The following RAB3GAP2 variants were observed in gnomAD, a reference collection of about 807,000 sequenced individuals.
RAB3GAP2 encodes RAB3 GTPase activating non-catalytic protein subunit 2.
Under a neutral mutation model 185.3 loss-of-function variants are expected in RAB3GAP2, and 87 were observed. That is an observed-to-expected ratio of 0.47 (90% CI 0.39 to 0.56). RAB3GAP2 has a LOEUF of 0.56. Ranked by LOEUF, RAB3GAP2 falls within the 20% of genes least tolerant of loss-of-function variation. The pLI is 0.00. For synonymous variants in RAB3GAP2, 554 were observed against 576.1 expected (o/e 0.96, Z 0.55); for missense variants, 1,492 against 1,638.2 (o/e 0.91, Z 1.54).
intron 1 of RAB3GAP2, among the ~76,000 whole-genome samples, chr1:220,270,902 A>G (rs1309235202): frequency 1.3e-5 from 2 of 152,284 alleles, no homozygotes; most frequent in Middle Eastern, 3.4e-3. Context: ...CTACTGCCTC[A>G]TTGCCCCAAC....
rs1436083764 is a variant in RAB3GAP2 at position 220,172,124 on chromosome 1, A to G, written c.2417-75T>C. On this transcript the variant is annotated intron_variant, in intron 22 of 34. Transcript: ENST00000358951. Reference sequence around the variant, plus strand: ...TTTGGACTAACCATTTATGTTAAACATAATGTTAAAACTAAGTTACCTACT... The same window carrying G: ...TTTGGACTAACCATTTATGTTAAACGTAATGTTAAAACTAAGTTACCTACT... 8 of 1,468,496 alleles carry G rather than the reference A, an allele frequency of 5.4e-6. No individual in the cohort carries two copies. The East Asian group carries it at 1.9e-4, about 34-fold the overall frequency. The allele number at this position is 1,468,496 out of a possible 1,614,324, so 91.0% of individuals were successfully genotyped here. A position where few individuals can be genotyped will look rare whatever the true frequency, so the allele number is the denominator to read the frequency against.
chr1:220,152,333 T>C (rs1338168395), intron 33 of RAB3GAP2, among the ~76,000 whole-genome samples: 1 of 152,226 alleles, frequency 6.6e-6, no homozygotes, highest in Non-Finnish European at 1.5e-5. Flanking sequence ...CACCTTGGCC[T>C]CCCAAAGTGC....
At chr1:220,246,232 T>C (rs1394432624) in intron 1 of RAB3GAP2, among the ~76,000 whole-genome samples, 3 of 152,244 alleles carry the variant, frequency 2.0e-5, no homozygotes, top group East Asian at 3.9e-4. Context: ...TGAGATACCA[T>C]TGCAGTTAGA....
intron 8 of RAB3GAP2, among the ~76,000 whole-genome samples, chr1:220,203,412 C>T (rs375865188): frequency 3.0e-4 from 45 of 152,130 alleles, no homozygotes; most frequent in East Asian, 1.3e-3. Context: ...ATTGACAGTA[C>T]GGCCAAGAAA....
chr1:220,242,122 C>A (rs936825677), intron 1 of RAB3GAP2, among the ~76,000 whole-genome samples: 1 of 151,998 alleles, frequency 6.6e-6, no homozygotes, highest in African/African-American at 2.4e-5. Flanking sequence ...TGTTTTTCTT[C>A]AAAGTACACA....
At chr1:220,170,770 G>T in intron 24 of RAB3GAP2, 122 bp downstream of exon 24, 1 of 850,452 alleles carries the variant, frequency 1.2e-6, no homozygotes, top group Non-Finnish European at 1.9e-6. Context: ...TATATAGAAG[G>T]TTATTGTTAT....
rs541652687 is a variant in RAB3GAP2 at position 220,211,028 on chromosome 1, C to T, written c.387-26G>A. On this transcript the variant is annotated intron_variant, in intron 4 of 34. Transcript: ENST00000358951. ...CTAAAAACAAAAACAAAATCATATG[C>T]TTACCCACTGAACTTACCAATTACT... 459 of 1,605,478 alleles carry T rather than the reference C, an allele frequency of 2.9e-4. 6 individuals are homozygous for T. In the South Asian group the frequency reaches 4.7e-3, roughly 17 times the overall value.
chr1:220,244,907 G>A (rs1296698942), intron 1 of RAB3GAP2, among the ~76,000 whole-genome samples: 1 of 152,084 alleles, frequency 6.6e-6, no homozygotes, highest in Non-Finnish European at 1.5e-5. Flanking sequence ...TCTGGATATT[G>A]GCTTAGGCAA....
intron 9 of RAB3GAP2, among the ~76,000 whole-genome samples, chr1:220,199,699 CCTT>C (rs1275400017): frequency 1.3e-5 from 2 of 152,130 alleles, no homozygotes; most frequent in Admixed American, 6.6e-5. Flanking sequence ...CTCTCCTCCT[CCTT>C]ATTCTCATTT....
At chr1:220,257,576 G>C (rs2102528915) in intron 1 of RAB3GAP2, among the ~76,000 whole-genome samples, 1 of 152,216 alleles carries the variant, frequency 6.6e-6, no homozygotes, top group Non-Finnish European at 1.5e-5. Context: ...AGCTAAAACA[G>C]TGTTAAGAGG....
intron 1 of RAB3GAP2, among the ~76,000 whole-genome samples, chr1:220,252,152 G>GAAAAA (rs58516168): frequency 1.0e-5 from 1 of 95,994 alleles, no homozygotes; most frequent in African/African-American, 3.8e-5. Context: ...CTCAAAAAAA[G>GAAAAA]AAAAAAAAAA....
At chr1:220,260,905 A>G (rs1206008030) in intron 1 of RAB3GAP2, among the ~76,000 whole-genome samples, 1 of 152,180 alleles carries the variant, frequency 6.6e-6, no homozygotes, top group African/African-American at 2.4e-5. Flanking sequence ...TGACTGAGGA[A>G]CTGAATTTTT....
In RAB3GAP2 at chr1:220,191,284, C is replaced by A; in HGVS notation, c.1271G>T (p.Gly424Val). ...ARGIAIRMWK[G>V]YRDAQIGWIQ... ...CCATCCAATTTGTGCGTCGCGGTACCCTTAGAGACAGAGGTAAAGGGAAGT... is the reference window on the plus strand; with the variant it reads ...CCATCCAATTTGTGCGTCGCGGTACACTTAGAGACAGAGGTAAAGGGAAGT... The change falls in exon 14 of 35, where the codon GGG (glycine) becomes GTG (valine). Residue 424 changes from glycine to valine, a missense_variant and splice_region_variant. Physicochemically the swap from Gly to Val is moderately radical, Grantham distance 109. Around this residue, in one of 5 missense-constraint regions of RAB3GAP2, gnomAD observed 681 missense variants for 689.1 expected, o/e 0.99. Coordinates refer to ENST00000358951, the MANE Select transcript of RAB3GAP2 (RefSeq NM_012414.4). The A allele has an allele frequency of 6.3e-7, 1 of 1,583,424 alleles. No individual in the cohort carries two copies. The highest frequency in any genetic ancestry group is 8.6e-7 in the Non-Finnish European group (1 of 1,168,114).
intron 27 of RAB3GAP2, among the ~76,000 whole-genome samples, chr1:220,163,744 C>CATATATATAT (rs373160821): frequency 9.8e-4 from 120 of 122,970 alleles, no homozygotes; most frequent in East Asian, 3.6e-3. Flanking sequence ...TAAATACATA[C>CATATATATAT]ATATATATAT....
chr1:220,208,506 A>G (rs1354303763), intron 7 of RAB3GAP2, among the ~76,000 whole-genome samples: 1 of 152,176 alleles, frequency 6.6e-6, no homozygotes, highest in Non-Finnish European at 1.5e-5. Flanking sequence ...TCATTACATG[A>G]TATCAGTAAC....
chr1:220,154,557 C>CT (rs1262032952), intron 31 of RAB3GAP2: 1 of 157,094 alleles, frequency 6.4e-6, no homozygotes, highest in African/African-American at 2.4e-5. Context: ...AGCACCTTAA[C>CT]TACAGCCTCA....
At chr1:220,179,050 C>G (rs1033559047) in intron 21 of RAB3GAP2, among the ~76,000 whole-genome samples, 2 of 151,704 alleles carry the variant, frequency 1.3e-5, no homozygotes, top group African/African-American at 4.8e-5. Context: ...AAAAGATATT[C>G]CATAAAAATG....
chr1:220,178,662 C>A, intron 21 of RAB3GAP2, among the ~76,000 whole-genome samples: 1 of 151,172 alleles, frequency 6.6e-6, no homozygotes, highest in African/African-American at 2.4e-5. Context: ...ACACAAAAAT[C>A]AAAAGTAGCG....
At chr1:220,172,812 A>C (rs1658204457) in intron 21 of RAB3GAP2, 70 bp from the exon 22 acceptor site, 1 of 1,018,842 alleles carries the variant, frequency 9.8e-7, no homozygotes, top group Non-Finnish European at 1.5e-6. Flanking sequence ...ACACTTTCCT[A>C]GACAGCAGAT....
Sources: allele counts gnomAD v4.1 joint callset (sites outside exome capture counted in the v4.1 genomes callset), GRCh38; gene constraint gnomAD v4.1.1; regional missense constraint gnomAD v4.1.1; transcripts MANE v1.5; gene names NCBI Gene and HGNC (gene_info 2026-07-23, HGNC 2026-07-21).